ASTN1: variants seen among roughly 807,000 people sequenced by gnomAD.
The protein encoded by ASTN1 is astrotactin-1.
ASTN1 carries 41 observed loss-of-function variants against 140.7 expected under a neutral mutation model. The observed-to-expected ratio is 0.29, with a 90% CI of 0.23 to 0.38. The LOEUF is 0.38. ASTN1 is among the 10% of genes least tolerant of loss of function. The pLI is 1.00. For synonymous variants in ASTN1, 640 were observed against 652.2 expected (o/e 0.98, Z 0.29); for missense variants, 1,479 against 1,678.8 (o/e 0.88, Z 2.08).
intron 2 of ASTN1, among the ~76,000 whole-genome samples, chr1:177,033,409 G>T (rs1307788976): frequency 6.6e-6 from 1 of 152,128 alleles, no homozygotes; most frequent in Non-Finnish European, 1.5e-5. Flanking sequence ...ACCCAGGGTG[G>T]TTGTAAGAAT....
intron 1 of ASTN1, among the ~76,000 whole-genome samples, chr1:177,144,984 G>A (rs1034174735): frequency 6.6e-6 from 1 of 152,032 alleles, no homozygotes; most frequent in East Asian, 1.9e-4. Flanking sequence ...AAAAAGTTTG[G>A]GAAGCATTGA....
intron 17 of ASTN1, among the ~76,000 whole-genome samples, chr1:176,890,101 C>T (rs1045406424): frequency 4.6e-5 from 7 of 152,150 alleles, no homozygotes; most frequent in East Asian, 1.9e-4. Flanking sequence ...ATTAAGGATA[C>T]GAGGATGCAC....
intron 20 of ASTN1, among the ~76,000 whole-genome samples, chr1:176,879,308 A>T (rs6659518): frequency 0.84 from 127,173 of 152,066 alleles, 53,331 homozygotes; most frequent in Middle Eastern, 0.95. Context: ...CTGCCTGACT[A>T]CCAGAGCCCT....
chr1:177,012,221 T>A lies in ASTN1; in HGVS notation c.1523+2570A>T, dbSNP rs537370999. 3.9e-5 allele frequency among the ~76,000 whole-genome samples: 6 copies of A among 152,360 alleles called. No homozygotes were observed. In the South Asian group the frequency reaches 1.2e-3, roughly 32 times the overall value. On this transcript the variant is annotated intron_variant, in intron 8 of 22. Transcript: ENST00000361833. ...GTCTTCATGTTCAAACAAATTTCGA[T>A]TAATTTTGTGAGAATCATTTAAAGA...
intron 1 of ASTN1, among the ~76,000 whole-genome samples, chr1:177,097,104 A>T (rs1158725168): frequency 1.3e-5 from 2 of 152,098 alleles, no homozygotes; most frequent in African/African-American, 4.8e-5. Context: ...ATAAACTAAG[A>T]CAAAAACCCA....
chr1:176,926,650 C>T (rs968807448), intron 16 of ASTN1, among the ~76,000 whole-genome samples: 22 of 152,300 alleles, frequency 1.4e-4, no homozygotes, highest in South Asian at 2.1e-4. Flanking sequence ...GAGAAAATAA[C>T]TGTATGCCAT....
chr1:176,931,318 T>C (rs1435156031), intron 16 of ASTN1, among the ~76,000 whole-genome samples: 3 of 151,882 alleles, frequency 2.0e-5, no homozygotes, highest in African/African-American at 7.3e-5. Flanking sequence ...ATACAAAAAT[T>C]GGCCAGGCAT....
intron 8 of ASTN1, among the ~76,000 whole-genome samples, chr1:176,977,188 T>G (rs1673403055): frequency 6.6e-6 from 1 of 152,272 alleles, no homozygotes; most frequent in Non-Finnish European, 1.5e-5. Context: ...GAACTATATT[T>G]AGTATAGAGC....
At chr1:177,130,552 T>A (rs183763985) in intron 1 of ASTN1, among the ~76,000 whole-genome samples, 1 of 152,146 alleles carries the variant, frequency 6.6e-6, no homozygotes, top group Admixed American at 6.5e-5. Context: ...AAGTGTCACA[T>A]TGCAGGTCAC....
At chr1:177,124,092 C>T (rs1681527149) in intron 1 of ASTN1, among the ~76,000 whole-genome samples, 1 of 152,128 alleles carries the variant, frequency 6.6e-6, no homozygotes, top group Admixed American at 6.6e-5. Context: ...GGGCTTGACT[C>T]TTGCTTCCAG....
intron 1 of ASTN1, among the ~76,000 whole-genome samples, chr1:177,154,587 C>A (rs1346073343): frequency 1.3e-5 from 2 of 151,888 alleles, no homozygotes; most frequent in African/African-American, 2.4e-5. Flanking sequence ...GAGTAAGTAT[C>A]AGAATAACAA....
rs1039223618 is a variant in ASTN1, at chr1:176,993,836, T to G, written c.1523+20955A>C. 5.3e-5 allele frequency among the ~76,000 whole-genome samples: 8 copies of G among 152,232 alleles called. No individual in the cohort carries two copies. The South Asian group carries it at 1.4e-3, about 28-fold the overall frequency. On this transcript the variant is annotated intron_variant, in intron 8 of 22. Transcript: ENST00000361833. ...CATTCACTCATTCATTCAGTAGACA[T>G]TAACAGTCAGCTTTCAACTTTCTTA...
intron 1 of ASTN1, among the ~76,000 whole-genome samples, chr1:177,067,471 C>G (rs977312786): frequency 2.0e-5 from 3 of 151,984 alleles, no homozygotes; most frequent in East Asian, 3.9e-4. Flanking sequence ...ATAGAAATAC[C>G]CCCCTCTTCT....
intron 9 of ASTN1, among the ~76,000 whole-genome samples, chr1:176,964,161 G>T (rs1672776067): frequency 1.3e-5 from 2 of 152,234 alleles, no homozygotes; most frequent in South Asian, 4.1e-4. Context: ...AGGAATGGCT[G>T]ACAGGGATGG....
At chr1:177,143,406 T>G (rs1571844877) in intron 1 of ASTN1, among the ~76,000 whole-genome samples, 2 of 152,196 alleles carry the variant, frequency 1.3e-5, no homozygotes, top group Non-Finnish European at 2.9e-5. Context: ...GACTTTATTC[T>G]GGGCTGAACC....
intron 2 of ASTN1, among the ~76,000 whole-genome samples, chr1:177,059,195 T>A (rs985349347): frequency 5.9e-5 from 9 of 152,184 alleles, no homozygotes; most frequent in African/African-American, 2.2e-4. Context: ...ATGACCACCA[T>A]TGCATCCCAC....
At chr1:177,158,264 G>C (rs1490785314) in intron 1 of ASTN1, among the ~76,000 whole-genome samples, 1 of 152,132 alleles carries the variant, frequency 6.6e-6, no homozygotes, top group Non-Finnish European at 1.5e-5. Context: ...AAATTTTAAA[G>C]TGTACATGAT....
chr1:177,160,883 G>A (rs1183606666), intron 1 of ASTN1, among the ~76,000 whole-genome samples: 2 of 152,222 alleles, frequency 1.3e-5, no homozygotes, highest in African/African-American at 4.8e-5. Flanking sequence ...ATGGCTTAGA[G>A]TTGCCAGGTA....
intron 8 of ASTN1, among the ~76,000 whole-genome samples, chr1:176,972,110 T>C (rs2101864105): frequency 6.6e-6 from 1 of 152,326 alleles, no homozygotes; most frequent in Non-Finnish European, 1.5e-5. Context: ...AATACAATGG[T>C]AAATATTTAT....
Sources: allele counts gnomAD v4.1 joint callset (sites outside exome capture counted in the v4.1 genomes callset), GRCh38; gene constraint gnomAD v4.1.1; transcripts MANE v1.5; gene names NCBI Gene and HGNC (gene_info 2026-07-23, HGNC 2026-07-21).